Variants in TAFA4 observed in about 807,000 individuals in gnomAD.
TAFA4 encodes chemokine-like protein TAFA-4.
TAFA4 carries 20 observed loss-of-function variants against 21.1 expected under a neutral mutation model. The observed-to-expected ratio is 0.95, with a 90% confidence interval of 0.67 to 1.38. The LOEUF is 1.38. Ranked by LOEUF, TAFA4 falls within the 40% of genes most tolerant of loss-of-function variation. The pLI, the probability that TAFA4 is intolerant of heterozygous loss-of-function variation, is 0.00. For synonymous variants in TAFA4, 71 were observed against 67.4 expected (o/e 1.05, Z -0.26); for missense variants, 211 against 180.9 (o/e 1.17, Z -0.95).
intron 4 of TAFA4, among the ~76,000 whole-genome samples, chr3:68,750,043 G>T (rs1026732872): frequency 3.9e-5 from 6 of 152,184 alleles, no homozygotes; most frequent in Admixed American, 2.0e-4. Flanking sequence ...CTCCAGGACT[G>T]GTCCGTATCA....
intron 1 of TAFA4, among the ~76,000 whole-genome samples, chr3:68,922,563 G>A (rs1266373652): frequency 6.6e-6 from 1 of 152,152 alleles, no homozygotes; most frequent in Non-Finnish European, 1.5e-5. Flanking sequence ...TATGGATATA[G>A]TCAATTGCTT....
At chr3:68,889,042 A>G (rs948923320) in intron 1 of TAFA4, among the ~76,000 whole-genome samples, 1 of 152,218 alleles carries the variant, frequency 6.6e-6, no homozygotes, top group Non-Finnish European at 1.5e-5. Flanking sequence ...GTTGTTCCCA[A>G]CTATAACACA....
At chr3:68,930,163 C>T (rs796766486) in intron 1 of TAFA4, among the ~76,000 whole-genome samples, 25 of 152,214 alleles carry the variant, frequency 1.6e-4, no homozygotes, top group African/African-American at 6.0e-4. Flanking sequence ...CTAAATGGAA[C>T]TAGGTCATCA....
intron 3 of TAFA4, among the ~76,000 whole-genome samples, chr3:68,784,198 T>A (rs940747345): frequency 6.6e-6 from 1 of 152,192 alleles, no homozygotes; most frequent in South Asian, 2.1e-4. Flanking sequence ...ATTCAAAGTG[T>A]TAAGAGAGAT....
intron 1 of TAFA4, among the ~76,000 whole-genome samples, chr3:68,895,947 G>A (rs902501862): frequency 6.6e-6 from 1 of 152,176 alleles, no homozygotes; most frequent in African/African-American, 2.4e-5. Flanking sequence ...TTCAGGGATG[G>A]CCTGGCCTCA....
At chr3:68,837,711 T>G (rs1172818433) in intron 3 of TAFA4, among the ~76,000 whole-genome samples, 2 of 152,190 alleles carry the variant, frequency 1.3e-5, no homozygotes, top group Non-Finnish European at 2.9e-5. Flanking sequence ...TTATATATAC[T>G]CTAGGATTGG....
intron 3 of TAFA4, among the ~76,000 whole-genome samples, chr3:68,841,809 T>C (rs1704673037): frequency 6.6e-6 from 1 of 152,116 alleles, no homozygotes. Flanking sequence ...TGGTTATTCG[T>C]CCTTGTGATA....
intron 3 of TAFA4, among the ~76,000 whole-genome samples, chr3:68,822,522 G>C (rs539679327): frequency 6.6e-6 from 1 of 152,260 alleles, no homozygotes; most frequent in East Asian, 1.9e-4. Flanking sequence ...CCAGGCTAAA[G>C]TGCAGGGGTG....
At chr3:68,871,596 G>A (rs2089483760) in intron 3 of TAFA4, among the ~76,000 whole-genome samples, 3 of 151,934 alleles carry the variant, frequency 2.0e-5, no homozygotes, top group African/African-American at 2.4e-5. Context: ...GGAAGCAATC[G>A]GCAAAGTGAA....
intron 3 of TAFA4, among the ~76,000 whole-genome samples, chr3:68,819,050 A>G (rs1704052198): frequency 6.6e-6 from 1 of 152,164 alleles, no homozygotes. Flanking sequence ...AGGCAGGTGG[A>G]TCACTCAAAG....
intron 3 of TAFA4, among the ~76,000 whole-genome samples, chr3:68,766,475 C>T (rs1702857063): frequency 2.0e-5 from 3 of 151,586 alleles, no homozygotes; most frequent in Non-Finnish European, 4.4e-5. Context: ...AATACAAATG[C>T]TATGATAAAA....
At chr3:68,837,740 T>C (rs1357639616) in intron 3 of TAFA4, among the ~76,000 whole-genome samples, 7 of 152,220 alleles carry the variant, frequency 4.6e-5, no homozygotes, top group Admixed American at 6.5e-5. Context: ...TTAAGAAATA[T>C]TCTGCATGTT....
intron 1 of TAFA4, among the ~76,000 whole-genome samples, chr3:68,890,831 C>G (rs956332502): frequency 2.6e-5 from 4 of 152,206 alleles, no homozygotes; most frequent in Non-Finnish European, 4.4e-5. Context: ...ATTAAAAATT[C>G]TGTCTGTGGC....
At chr3:68,827,644 G>A (rs556253804) in intron 3 of TAFA4, among the ~76,000 whole-genome samples, 8 of 152,326 alleles carry the variant, frequency 5.3e-5, no homozygotes, top group East Asian at 1.9e-4. Context: ...CAGTGATGAT[G>A]AGCCTTTTTT....
At chr3:68,789,426 C>G (rs1703323045) in intron 3 of TAFA4, among the ~76,000 whole-genome samples, 1 of 152,024 alleles carries the variant, frequency 6.6e-6, no homozygotes, top group Non-Finnish European at 1.5e-5. Flanking sequence ...TTACCACACA[C>G]ATACACACAC....
At chr3:68,825,217 C>G (rs900674232) in intron 3 of TAFA4, among the ~76,000 whole-genome samples, 9 of 152,156 alleles carry the variant, frequency 5.9e-5, no homozygotes, top group Non-Finnish European at 1.2e-4. Context: ...TAAGTGAGAA[C>G]ATGCAGTGTT....
chr3:68,848,344 T>C (rs1272019943), intron 3 of TAFA4, among the ~76,000 whole-genome samples: 2 of 152,064 alleles, frequency 1.3e-5, no homozygotes, highest in African/African-American at 4.8e-5. Flanking sequence ...AATCAGAGAG[T>C]GTCTTCTCTG....
chr3:68,755,751 G>A (rs1702648940), intron 3 of TAFA4, among the ~76,000 whole-genome samples: 1 of 152,218 alleles, frequency 6.6e-6, no homozygotes. Flanking sequence ...GAAGTGTCCT[G>A]ACAATAGCCG....
intron 3 of TAFA4, among the ~76,000 whole-genome samples, chr3:68,836,478 G>C (rs965083982): frequency 1.3e-5 from 2 of 152,184 alleles, no homozygotes; most frequent in African/African-American, 4.8e-5. Flanking sequence ...TCCTCTAAGG[G>C]TCACTAAACT....
Sources: gnomAD v4.1 joint callset for allele counts (sites outside exome capture counted in the v4.1 genomes callset) on GRCh38, gnomAD v4.1.1 for gene constraint, MANE v1.5 for transcripts, NCBI Gene and HGNC (gene_info 2026-07-23, HGNC 2026-07-21) for gene names.